LRRC37A: variants seen among roughly 807,000 people sequenced by gnomAD.
LRRC37A encodes the protein leucine rich repeat containing 37A, also known as leucine-rich repeat-containing protein 37A.
In LRRC37A, 3 loss-of-function variants were observed where a neutral mutation model predicts 35.4. The observed-to-expected ratio is 0.08, with a 90% CI of 0.04 to 0.22. LRRC37A has a LOEUF of 0.22. Among genes scored for constraint, LRRC37A ranks in the 10% least tolerant of loss-of-function variants. The probability of loss-of-function intolerance (pLI) is 1.00; values close to 1 mark genes in which losing one functional copy is unlikely to be tolerated. For synonymous variants in LRRC37A, 23 were observed against 215.0 expected (o/e 0.11, Z 7.81); for missense variants, 67 against 565.3 (o/e 0.12, Z 8.94).
At chr17:46,254,285 G>A in the LRRC37A span, among the ~76,000 whole-genome samples, 127 of 152,208 alleles carry the variant, frequency 8.3e-4, 2 homozygotes, top group Middle Eastern at 0.014. Flanking sequence ...CCTTGCCAGG[G>A]ACCCGGGACT....
the LRRC37A span, among the ~76,000 whole-genome samples, chr17:46,274,129 C>A: frequency 6.6e-6 from 1 of 152,222 alleles, no homozygotes; most frequent in Non-Finnish European, 1.5e-5. Flanking sequence ...GACCTTGCAG[C>A]CCTCCCTCCC....
At chr17:46,275,894 A>ATT in the LRRC37A span, among the ~76,000 whole-genome samples, 32 of 147,618 alleles carry the variant, frequency 2.2e-4, no homozygotes, top group African/African-American at 2.7e-4. Context: ...TTTATTCACA[A>ATT]TTTTTTTTTT....
chr17:46,292,098 G>A (rs1181720052), upstream of LRRC37A, among the ~76,000 whole-genome samples: 1 of 143,098 alleles, frequency 7.0e-6, no homozygotes, highest in East Asian at 2.0e-4. Context: ...TTGAGAGGCT[G>A]AGGAGGGAGG....
the LRRC37A span, among the ~76,000 whole-genome samples, chr17:46,263,420 G>A: frequency 6.6e-6 from 1 of 151,848 alleles, no homozygotes; most frequent in East Asian, 1.9e-4. Context: ...GCATGGTGGT[G>A]TGTGCCTATA....
chr17:46,289,213 C>CACTTTG (rs1192307277), upstream of LRRC37A, among the ~76,000 whole-genome samples: 2 of 152,150 alleles, frequency 1.3e-5, no homozygotes, highest in Non-Finnish European at 2.9e-5. Context: ...ATAAGAGTCT[C>CACTTTG]ACTTTGTCAC....
At chr17:46,275,955 A>G in the LRRC37A span, among the ~76,000 whole-genome samples, 9 of 151,856 alleles carry the variant, frequency 5.9e-5, no homozygotes, top group Non-Finnish European at 1.3e-4. Flanking sequence ...CAAAGGCGCG[A>G]TCTTGGCTCA....
the LRRC37A span, among the ~76,000 whole-genome samples, chr17:46,278,601 A>G: frequency 1.3e-5 from 2 of 151,182 alleles, no homozygotes. Flanking sequence ...ATGAGGTTTC[A>G]CCATCTTGGC....
At chr17:46,252,301 C>T in the LRRC37A span, among the ~76,000 whole-genome samples, 1 of 151,442 alleles carries the variant, frequency 6.6e-6, no homozygotes, top group East Asian at 1.9e-4. Context: ...ACTTCCTGGG[C>T]TTAAGTGATT....
At chr17:46,284,159 C>T in the LRRC37A span, among the ~76,000 whole-genome samples, 1 of 152,246 alleles carries the variant, frequency 6.6e-6, no homozygotes, top group Non-Finnish European at 1.5e-5. Context: ...AGCACAGACC[C>T]TTTAAGGGTG....
At chr17:46,274,159 T>C in the LRRC37A span, among the ~76,000 whole-genome samples, 2 of 152,224 alleles carry the variant, frequency 1.3e-5, no homozygotes, top group Admixed American at 1.3e-4. Flanking sequence ...TTACAGATAA[T>C]CATTAGCACA....
At chr17:46,265,294 CTTCTTCTTCTTCTTCTTCTTCCTCT>C in the LRRC37A span, among the ~76,000 whole-genome samples, 25 of 101,072 alleles carry the variant, frequency 2.5e-4, no homozygotes, top group East Asian at 4.0e-3. Context: ...TCTTCTTCTT[CTTCTTCTTCTTCTTCTTCTTCCTCT>C]TCTTCTTTTT....
the LRRC37A span, chr17:46,266,900 T>C: frequency 3.2e-6 from 1 of 310,776 alleles, no homozygotes; most frequent in Non-Finnish European, 5.6e-6. Flanking sequence ...ACGCGCGCGC[T>C]CACGGGCCCT....
At chr17:46,267,750 G>A in the LRRC37A span, among the ~76,000 whole-genome samples, 3,448 of 151,728 alleles carry the variant, frequency 0.023, 57 homozygotes, top group Non-Finnish European at 0.028. Context: ...AAAGCGGGCT[G>A]TCAATAAATA....
the LRRC37A span, chr17:46,259,589 A>G: frequency 6.2e-7 from 1 of 1,612,312 alleles, no homozygotes; most frequent in Non-Finnish European, 8.5e-7. Context: ...CCAGCAGACC[A>G]CAGGAGGTTG....
At chr17:46,283,368 A>C in the LRRC37A span, among the ~76,000 whole-genome samples, 2 of 152,382 alleles carry the variant, frequency 1.3e-5, no homozygotes, top group South Asian at 2.1e-4. Flanking sequence ...CTACTGGTTC[A>C]AGGAAAGGCT....
At chr17:46,286,417 A>C in the LRRC37A span, among the ~76,000 whole-genome samples, 1 of 152,382 alleles carries the variant, frequency 6.6e-6, no homozygotes, top group East Asian at 1.9e-4. Flanking sequence ...AAATCCTATA[A>C]GGTAATAACA....
chr17:46,286,711 G>A, the LRRC37A span, among the ~76,000 whole-genome samples: 3 of 152,218 alleles, frequency 2.0e-5, no homozygotes, highest in Admixed American at 6.5e-5. Context: ...GAAAAAATCT[G>A]CTTTTTATTT....
At position 46,305,342 on chromosome 17, in the gene LRRC37A, C is replaced by G. The variant is rs1431809181; in HGVS notation, c.2754-167C>G. 4.6e-5 allele frequency among the ~76,000 whole-genome samples: 6 copies of G among 129,442 alleles called. No individual in the cohort carries two copies. The East Asian group carries it at 1.0e-3, about 22-fold the overall frequency. The allele number at this position is 129,442 out of a possible 152,430, so 84.9% of individuals were successfully genotyped here. On this transcript the variant is annotated intron_variant, in intron 3 of 13. Transcript: ENST00000320254. ...TTATTAAAACCATGAAGGTGAGACT[C>G]TAGGAGAGGTATGGGCAGGGTTAGG...
At chr17:46,252,773 G>A in the LRRC37A span, among the ~76,000 whole-genome samples, 2 of 152,140 alleles carry the variant, frequency 1.3e-5, no homozygotes, top group African/African-American at 4.8e-5. Context: ...ATGTCTACCC[G>A]CCTCTACACA....
Sources: gnomAD v4.1 joint callset for allele counts (sites outside exome capture counted in the v4.1 genomes callset) on GRCh38, gnomAD v4.1.1 for gene constraint, MANE v1.5 for transcripts, NCBI Gene and HGNC (gene_info 2026-07-23, HGNC 2026-07-21) for gene names.